Variants in USP53 observed in about 807,000 individuals in gnomAD.
The protein encoded by USP53 is ubiquitin specific peptidase 53.
USP53 carries 71 observed loss-of-function variants against 94.9 expected under a neutral mutation model. The ratio of observed to expected loss-of-function variants is 0.75; its 90% CI spans 0.62 to 0.91. The LOEUF is 0.91. Ranked by LOEUF, USP53 falls within the 40% of genes least tolerant of loss-of-function variation. The probability of loss-of-function intolerance (pLI) is 0.00; values close to 1 mark genes in which losing one functional copy is unlikely to be tolerated. For missense variants in USP53, 1,173 were observed against 1,281.0 expected (o/e 0.92, Z 1.29); for synonymous variants, 375 against 422.7 (o/e 0.89, Z 1.39).
chr4:119,242,999 G>T (rs185390093), intron 5 of USP53, among the ~76,000 whole-genome samples: 118 of 152,162 alleles, frequency 7.8e-4, no homozygotes, highest in African/African-American at 2.8e-3. Flanking sequence ...TATTTAATGT[G>T]TGTATAGATA....
At chr4:119,240,801 C>T (rs1373082725) in intron 5 of USP53, among the ~76,000 whole-genome samples, 9 of 152,094 alleles carry the variant, frequency 5.9e-5, no homozygotes, top group African/African-American at 1.4e-4. Context: ...CAAACTTGAA[C>T]GTTCTCTAAC....
At chr4:119,290,295 G>C (rs977442566) in intron 17 of USP53, among the ~76,000 whole-genome samples, 1 of 152,096 alleles carries the variant, frequency 6.6e-6, no homozygotes, top group Non-Finnish European at 1.5e-5. Flanking sequence ...CTGTAAATTA[G>C]TATAACTTTT....
At chr4:119,281,430 C>T (rs538111381) in intron 17 of USP53, among the ~76,000 whole-genome samples, 1 of 152,008 alleles carries the variant, frequency 6.6e-6, no homozygotes, top group Non-Finnish European at 1.5e-5. Context: ...AGTTTGCAGA[C>T]AAAGAATGTG....
intron 5 of USP53, among the ~76,000 whole-genome samples, chr4:119,243,838 G>A (rs1747871386): frequency 6.8e-6 from 1 of 147,814 alleles, no homozygotes; most frequent in African/African-American, 2.5e-5. Flanking sequence ...TTTAATGTCT[G>A]AGAAGGAAAG....
In USP53 at chr4:119,268,379, C is replaced by G; in HGVS notation, c.1247C>G (p.Ser416Cys). 6.2e-7 allele frequency: 1 copy of G among 1,613,870 alleles called. No homozygotes were observed. Among genetic ancestry groups the G allele is most frequent in the Non-Finnish European group, 8.5e-7 (1 of 1,179,884 alleles). Residue 416 changes from serine (S) to cysteine (C), a missense_variant, in exon 14 of 19, where the codon TCT (serine) becomes TGT (cysteine). Transcript: ENST00000692078. ...TTTCCAACTGATAATATTTCATCAT[C>G]TAATCGGAGCCACAGTCACACAGGT... is the stretch of plus-strand genomic sequence containing the variant. ...QKFPTDNISS[S>C]NRSHSHTGVG...
chr4:119,236,426 A>G (rs1279430210), intron 4 of USP53, among the ~76,000 whole-genome samples: 1 of 152,236 alleles, frequency 6.6e-6, no homozygotes, highest in Non-Finnish European at 1.5e-5. Flanking sequence ...AAAATAAGGC[A>G]ACAATGAAGT....
chr4:119,291,143 T>TGGCCCCCCCC, intron 17 of USP53, 22 bp from the exon 18 acceptor site: 1 of 747,508 alleles, frequency 1.3e-6, no homozygotes, highest in Non-Finnish European at 2.1e-6. Flanking sequence ...TCATCTCTTC[T>TGGCCCCCCCC]CCCCACCCCA....
intron 3 of USP53, among the ~76,000 whole-genome samples, chr4:119,230,815 G>A (rs1745961106): frequency 6.6e-6 from 1 of 152,188 alleles, no homozygotes. Context: ...GGGAGCAAGA[G>A]ACAGAGAGTG....
Position 119,294,907 on chromosome 4 carries a change from T to C in USP53, c.*1696T>C, listed in dbSNP as rs1387536889. On this transcript the variant is annotated 3_prime_UTR_variant, in exon 19 of 19. Transcript: ENST00000692078. The stretch of plus-strand genomic sequence containing the variant: ...GCTTATTTTTAACATAATTTTTTAG[T>C]GTGGAGGGTTTGTAAATAATGTAAA... The C allele has an allele frequency of 6.6e-6, 1 of 152,148 alleles. No homozygotes were observed. The highest frequency in any genetic ancestry group is 2.4e-5 in the African/African-American group (1 of 41,458). 9.4% of individuals were successfully genotyped at this position (152,148 alleles called of 1,614,324 possible). A position where few individuals can be genotyped will look rare whatever the true frequency, so the allele number is the denominator to read the frequency against.
intron 2 of USP53, among the ~76,000 whole-genome samples, chr4:119,216,326 A>G (rs1297069441): frequency 1.3e-5 from 2 of 151,936 alleles, no homozygotes; most frequent in Non-Finnish European, 1.5e-5. Flanking sequence ...GGTTGCAGTT[A>G]GCTGAGATTG....
At chr4:119,278,560 A>G (rs1240909833) in intron 17 of USP53, among the ~76,000 whole-genome samples, 1 of 132,552 alleles carries the variant, frequency 7.5e-6, no homozygotes, top group African/African-American at 2.8e-5. Context: ...AACTTTGGTG[A>G]ATCTGACAAT....
chr4:119,271,448 CAAAT>C lies in USP53; in HGVS notation c.1591_1594del (p.Ile531Ter). The C allele has an allele frequency of 6.2e-7, 1 of 1,613,606 alleles. No individual in the cohort carries two copies. ...TGTACCTCAGAGTCGAGCTTCTGCA[CAAAT>C]AATAAGTTCAAGTAAATCCCAGATT... On this transcript the variant is annotated frameshift_variant, in exon 16 of 19. Transcript: ENST00000692078. LOFTEE classifies it high-confidence loss of function.
chr4:119,267,112 C>G (rs1751222743), intron 12 of USP53, among the ~76,000 whole-genome samples: 1 of 151,990 alleles, frequency 6.6e-6, no homozygotes, highest in Non-Finnish European at 1.5e-5. Flanking sequence ...ATAATCTTTG[C>G]CCGTCAAATT....
chr4:119,230,120 A>G (rs150548813), intron 3 of USP53, among the ~76,000 whole-genome samples: 2 of 152,150 alleles, frequency 1.3e-5, no homozygotes, highest in African/African-American at 4.8e-5. Flanking sequence ...GCATATTTAC[A>G]TGTTTTGTTC....
rs1743028415 is a variant in USP53 at position 119,212,758 on chromosome 4, G to A, written c.-1057G>A. The A allele has an allele frequency of 9.4e-6, 3 of 317,728 alleles. No homozygotes were observed. The Admixed American group carries it at 1.2e-4, about 13-fold the overall frequency. The allele number at this position is 317,728 out of a possible 1,614,324, so 19.7% of individuals were successfully genotyped here. A position where few individuals can be genotyped will look rare whatever the true frequency, so the allele number is the denominator to read the frequency against. On this transcript the variant is annotated 5_prime_UTR_variant, in exon 1 of 19. Coordinates refer to ENST00000692078, the MANE Select transcript of USP53 (RefSeq NM_001371395.1). ...ACTGTGGCAGCAGTCAGTGTGTCTG[G>A]CGGGTGTCGGCGTGAAGCGGGGCTG... is the stretch of plus-strand genomic sequence containing the variant.
Position 119,273,695 on chromosome 4 carries a change from A to G in USP53, c.2238A>G (p.Gln746=). The G allele has an allele frequency of 6.2e-7, 1 of 1,611,976 alleles. No individual in the cohort carries two copies. The highest frequency in any genetic ancestry group is 8.5e-7 in the Non-Finnish European group (1 of 1,178,742). ...ERGDCTSLQS[Q]HHLEGFRKEL... ...GGGACTGTACCTCCCTTCAGAGCCA[A>G]CATCACTTAGAAGGTAAAAAACTTA... Residue 746 remains glutamine (Q), a synonymous_variant, in exon 17 of 19, where the codon CAA becomes CAG. Coordinates refer to ENST00000692078, the MANE Select transcript of USP53 (RefSeq NM_001371395.1).
intron 7 of USP53, among the ~76,000 whole-genome samples, chr4:119,254,489 T>C (rs564660689): frequency 5.3e-5 from 8 of 152,290 alleles, no homozygotes; most frequent in Non-Finnish European, 5.9e-5. Flanking sequence ...ATCACTGATA[T>C]ACTTTCTTCT....
chr4:119,241,099 C>A (rs1386817566), intron 5 of USP53, among the ~76,000 whole-genome samples: 2 of 152,030 alleles, frequency 1.3e-5, no homozygotes, highest in Admixed American at 6.6e-5. Context: ...TTATGTTTTC[C>A]CCTCTGTTTC....
intron 7 of USP53, among the ~76,000 whole-genome samples, chr4:119,252,825 T>G (rs1431188891): frequency 3.9e-5 from 6 of 152,204 alleles, no homozygotes; most frequent in Non-Finnish European, 8.8e-5. Context: ...ATTATGATGT[T>G]AGGGTGTCAA....
Sources: gnomAD v4.1 joint callset for allele counts (sites outside exome capture counted in the v4.1 genomes callset) on GRCh38, gnomAD v4.1.1 for gene constraint, MANE v1.5 for transcripts, NCBI Gene and HGNC (gene_info 2026-07-23, HGNC 2026-07-21) for gene names.